RPGRIP1: variants seen among roughly 807,000 people sequenced by gnomAD.
The protein encoded by RPGRIP1 is RPGR interacting protein 1.
A neutral mutation model predicts 157.9 loss-of-function variants in RPGRIP1; 128 were observed. That is an observed-to-expected ratio of 0.81 (90% CI 0.70 to 0.94). The LOEUF (loss-of-function observed/expected upper bound fraction) is 0.94, where lower values mean the gene tolerates loss of function less well. RPGRIP1 is among the 40% of genes least tolerant of loss of function. RPGRIP1 has a pLI of 0.00. For missense variants in RPGRIP1, 1,486 were observed against 1,545.8 expected, an observed-to-expected ratio of 0.96 and a Z score of 0.65; for synonymous variants, 554 against 571.6, an observed-to-expected ratio of 0.97 and a Z score of 0.44.
intron 2 of RPGRIP1, among the ~76,000 whole-genome samples, chr14:21,293,951 G>A (rs1018109207): frequency 2.0e-5 from 3 of 150,796 alleles, no homozygotes; most frequent in African/African-American, 7.3e-5. Context: ...TACTCTGGAG[G>A]CTGAGGCAGG....
chr14:21,325,467 A>ATTGAG, intron 16 of RPGRIP1, 84 bp downstream of exon 16: 2 of 1,286,190 alleles, frequency 1.6e-6, no homozygotes, highest in Non-Finnish European at 2.1e-6. Flanking sequence ...CACTCTCAAT[A>ATTGAG]AGTGTTTGTT....
chr14:21,316,857 C>T (rs1881838723), intron 10 of RPGRIP1, among the ~76,000 whole-genome samples: 1 of 152,058 alleles, frequency 6.6e-6, no homozygotes, highest in Admixed American at 6.6e-5. Flanking sequence ...TGGTGGCTCA[C>T]ACCTATAATC....
At chr14:21,328,117 C>T (rs569556242) in intron 18 of RPGRIP1, among the ~76,000 whole-genome samples, 10 of 151,782 alleles carry the variant, frequency 6.6e-5, no homozygotes, top group East Asian at 1.9e-4. Context: ...TGCGGCGAGC[C>T]GAGATCACGC....
At chr14:21,293,478 C>A (rs1364114506) in intron 2 of RPGRIP1, among the ~76,000 whole-genome samples, 2 of 152,088 alleles carry the variant, frequency 1.3e-5, no homozygotes. Flanking sequence ...CATGGTGGCT[C>A]ATGCCTGTAA....
chr14:21,290,577 C>T (rs754172094), intron 2 of RPGRIP1, among the ~76,000 whole-genome samples: 24 of 151,738 alleles, frequency 1.6e-4, no homozygotes, highest in Non-Finnish European at 2.2e-4. Flanking sequence ...TTTGGGAGGC[C>T]GAGGCGGGTG....
Position 21,325,973 on chromosome 14 carries a change from C to T in RPGRIP1, c.2510C>T (p.Ala837Val). The T allele has an allele frequency of 6.2e-7, 1 of 1,613,978 alleles. No homozygotes were observed. The highest frequency in any genetic ancestry group is 8.5e-7 in the Non-Finnish European group (1 of 1,179,874). ...TTCACCTTTTCTGACCATGACACTG[C>T]CATCATTCCAGCCAGTAACAACCCC... ...RFFTFSDHDT[A>V]IIPASNNPYF... Residue 837 changes from alanine (A) to valine (V), a missense_variant, in exon 17 of 25, where the codon GCC becomes GTC. Ala to Val is a moderately conservative substitution (Grantham distance 64). Transcript: ENST00000400017.
intron 2 of RPGRIP1, among the ~76,000 whole-genome samples, chr14:21,293,362 GTT>G (rs1053127509): frequency 5.3e-5 from 8 of 152,090 alleles, no homozygotes; most frequent in Non-Finnish European, 1.0e-4. Context: ...ATCAAAAAAA[GTT>G]TTTATCCTTT....
intron 21 of RPGRIP1, among the ~76,000 whole-genome samples, chr14:21,335,585 C>G (rs1253157175): frequency 6.6e-6 from 1 of 152,154 alleles, no homozygotes; most frequent in African/African-American, 2.4e-5. Flanking sequence ...AATCCCAGCG[C>G]TTTGGGAGGC....
chr14:21,310,773 AG>A (rs1485103289), intron 8 of RPGRIP1, 166 bp downstream of exon 8: 5 of 658,170 alleles, frequency 7.6e-6, no homozygotes, highest in Non-Finnish European at 1.4e-5. Context: ...GATTATCAAA[AG>A]ATACAGATAC....
intron 21 of RPGRIP1, among the ~76,000 whole-genome samples, chr14:21,342,261 G>A (rs898340114): frequency 1.3e-5 from 2 of 152,024 alleles, no homozygotes; most frequent in African/African-American, 4.8e-5. Flanking sequence ...GAACACTGTG[G>A]CCAGTTGCAG....
chr14:21,326,841 C>T (rs1377051666), intron 17 of RPGRIP1, among the ~76,000 whole-genome samples: 1 of 152,180 alleles, frequency 6.6e-6, no homozygotes, highest in East Asian at 1.9e-4. Flanking sequence ...GAGATTTCCA[C>T]ACCAGATCAT....
At chr14:21,322,412 GC>G (rs1489591428) in intron 14 of RPGRIP1, among the ~76,000 whole-genome samples, 2 of 152,130 alleles carry the variant, frequency 1.3e-5, no homozygotes, top group African/African-American at 2.4e-5. Flanking sequence ...ACCTGCCTCA[GC>G]CTCCCAAAGT....
chr14:21,311,987 GA>G lies in RPGRIP1; in HGVS notation c.1077+20del. 1 of 1,603,172 alleles carries G rather than the reference GA, an allele frequency of 6.2e-7. No individual in the cohort carries two copies. The highest frequency in any genetic ancestry group is 1.1e-5 in the South Asian group (1 of 89,920). On this transcript the variant is annotated intron_variant, in intron 9 of 24. Coordinates refer to ENST00000400017, the MANE Select transcript of RPGRIP1 (RefSeq NM_020366.4). ...CTGAAGGAGGTAAATAATAATAGTTGAAAGATACCATCTACATTTCAACTTC... is the reference window on the plus strand; with the variant it reads ...CTGAAGGAGGTAAATAATAATAGTTGAAGATACCATCTACATTTCAACTTC...
At position 21,303,335 on chromosome 14, in the gene RPGRIP1, T is replaced by G; in HGVS notation, c.592T>G (p.Ser198Ala). 1 of 1,610,660 alleles carries G rather than the reference T, an allele frequency of 6.2e-7. No homozygotes were observed. Among genetic ancestry groups the G allele is most frequent in the South Asian group, 1.1e-5 (1 of 90,768 alleles). ...EVASKPSELVSGSNSIISFSS... is the reference protein window; with the variant it reads ...EVASKPSELVAGSNSIISFSS... The stretch of plus-strand genomic sequence containing the variant: ...AAGTATCCTTTTTGTATTTAGTGTT[T>G]CTGGTTCTAACAGCATAATTTCTTT... The change falls in exon 6 of 25, where the codon TCT becomes GCT. Residue 198 changes from serine (S) to alanine (A), a missense_variant. Coordinates refer to ENST00000400017, the MANE Select transcript of RPGRIP1 (RefSeq NM_020366.4).
At chr14:21,304,263 C>T (rs1258974203) in intron 6 of RPGRIP1, among the ~76,000 whole-genome samples, 5 of 140,344 alleles carry the variant, frequency 3.6e-5, no homozygotes, top group African/African-American at 8.0e-5. Context: ...TGCAGTGAGC[C>T]GAGATTGCAC....
chr14:21,313,665 G>C (rs1166991868), intron 10 of RPGRIP1, among the ~76,000 whole-genome samples: 1 of 151,924 alleles, frequency 6.6e-6, no homozygotes, highest in Non-Finnish European at 1.5e-5. Context: ...GCGCGCACTT[G>C]TAATCCCAGC....
intron 24 of RPGRIP1, among the ~76,000 whole-genome samples, chr14:21,350,376 C>CAAAAAAAA (rs765881214): frequency 3.2e-4 from 7 of 22,198 alleles, no homozygotes; most frequent in African/African-American, 1.3e-3. Flanking sequence ...ACTCTGTCTC[C>CAAAAAAAA]AAAAAAAAAA....
chr14:21,318,667 G>A (rs184247101), intron 11 of RPGRIP1, among the ~76,000 whole-genome samples: 357 of 151,284 alleles, frequency 2.4e-3, no homozygotes, highest in Non-Finnish European at 4.1e-3. Flanking sequence ...TAGTAGAGAC[G>A]AGGGTTCACT....
At chr14:21,332,832 C>T (rs780874371) in intron 20 of RPGRIP1, among the ~76,000 whole-genome samples, 4 of 152,108 alleles carry the variant, frequency 2.6e-5, no homozygotes, top group Admixed American at 6.6e-5. Flanking sequence ...ACTGGCCAGG[C>T]GCAGTGGCTT....
Sources: gnomAD v4.1 joint callset for allele counts (sites outside exome capture counted in the v4.1 genomes callset) on GRCh38, gnomAD v4.1.1 for gene constraint, MANE v1.5 for transcripts, NCBI Gene and HGNC (gene_info 2026-07-23, HGNC 2026-07-21) for gene names.